Variants in ATXN1 observed in about 807,000 individuals in gnomAD.
ATXN1 encodes the protein ataxin-1.
ATXN1 carries 8 observed loss-of-function variants against 56.4 expected under a neutral mutation model. That is an observed-to-expected ratio of 0.14 (90% CI 0.08 to 0.26). The LOEUF (loss-of-function observed/expected upper bound fraction) is 0.26. Ranked by LOEUF, ATXN1 falls within the 10% of genes least tolerant of loss-of-function variation. ATXN1 has a pLI of 1.00. For synonymous variants in ATXN1, 514 were observed against 494.6 expected (o/e 1.04, Z -0.52); for missense variants, 987 against 1,106.5 (o/e 0.89, Z 1.53).
rs1215667841 is a variant in ATXN1, at chr6:16,328,047, G to A, written c.264C>T (p.Ser88=). 1.2e-6 allele frequency: 2 copies of A among 1,613,574 alleles called. No homozygotes were observed. Among genetic ancestry groups the A allele is most frequent in the Non-Finnish European group, 1.7e-6 (2 of 1,179,726 alleles). Reference sequence around the variant, plus strand: ...GGACAGACCTGGGAGCGCTGGGCGGGGAGTAGTCCAGCCCTGTGGACAATG... The same window carrying A: ...GGACAGACCTGGGAGCGCTGGGCGGAGAGTAGTCCAGCCCTGTGGACAATG... ...HKALSTGLDY[S]PPSAPRSVPV... Residue 88 remains serine, a synonymous_variant, in exon 7 of 8, where the codon TCC becomes TCT. Coordinates refer to ENST00000436367, the MANE Select transcript of ATXN1 (RefSeq NM_001128164.2). This position sits in a 1 kb window ranked among gnomAD's most constrained non-coding sequence, Gnocchi z 6.2.
At chr6:16,640,726 T>C (rs1763693472) in intron 3 of ATXN1, among the ~76,000 whole-genome samples, 1 of 151,728 alleles carries the variant, frequency 6.6e-6, no homozygotes, top group Non-Finnish European at 1.5e-5. Flanking sequence ...GGCCAATTAA[T>C]AACCCTAAAA....
intron 3 of ATXN1, among the ~76,000 whole-genome samples, chr6:16,638,923 G>T (rs1430131407): frequency 6.6e-6 from 1 of 152,122 alleles, no homozygotes; most frequent in Non-Finnish European, 1.5e-5. Context: ...ATGCAGAAGT[G>T]GTATTGAGAG....
At chr6:16,710,965 C>G (rs943989282) in intron 2 of ATXN1, among the ~76,000 whole-genome samples, 1 of 152,068 alleles carries the variant, frequency 6.6e-6, no homozygotes, top group Non-Finnish European at 1.5e-5. Flanking sequence ...TCACTGTAGC[C>G]TCAAACTCCT....
chr6:16,520,552 A>T (rs1761268467), intron 5 of ATXN1, among the ~76,000 whole-genome samples: 1 of 152,150 alleles, frequency 6.6e-6, no homozygotes. Flanking sequence ...GAATCCTATG[A>T]TGTAAGCATG....
intron 6 of ATXN1, among the ~76,000 whole-genome samples, chr6:16,376,372 TG>T (rs1267676788): frequency 6.6e-6 from 1 of 152,220 alleles, no homozygotes; most frequent in Non-Finnish European, 1.5e-5. Context: ...TTGGGGTGTG[TG>T]GGGATTGTAT....
intron 6 of ATXN1, among the ~76,000 whole-genome samples, chr6:16,353,381 G>A (rs900571214): frequency 3.3e-5 from 5 of 152,136 alleles, no homozygotes; most frequent in African/African-American, 7.2e-5. Context: ...CTCTTAACAA[G>A]CAATTACAGG....
chr6:16,575,049 T>C (rs1581855008), intron 4 of ATXN1, among the ~76,000 whole-genome samples: 1 of 152,156 alleles, frequency 6.6e-6, no homozygotes, highest in African/African-American at 2.4e-5. Flanking sequence ...ATATCAGAGA[T>C]GACACGCCCT....
At chr6:16,341,178 A>G (rs1194127064) in intron 6 of ATXN1, among the ~76,000 whole-genome samples, 2 of 152,198 alleles carry the variant, frequency 1.3e-5, no homozygotes, top group Non-Finnish European at 2.9e-5. Context: ...TTCCTCCACA[A>G]TACAAAGGAG....
In ATXN1 at chr6:16,338,954, G is replaced by C. The variant is rs1270096136; in HGVS notation, c.-160-10484C>G. ...ATTCAGCACACAAGCAGAATAAACA[G>C]AAAGCTCAGACGCTAAACTCAAGGA... On this transcript the variant is annotated intron_variant, in intron 6 of 7. Transcript: ENST00000436367. Among the ~76,000 whole-genome samples, 3 of 152,286 alleles carry C rather than the reference G, an allele frequency of 2.0e-5. No homozygotes were observed. The East Asian group carries it at 5.8e-4, about 29-fold the overall frequency.
chr6:16,539,261 T>C (rs1229449359), intron 4 of ATXN1, among the ~76,000 whole-genome samples: 3 of 152,220 alleles, frequency 2.0e-5, no homozygotes, highest in African/African-American at 7.2e-5. Context: ...TGACGCTTGC[T>C]TTCTCTCTTC....
chr6:16,554,048 G>C (rs1430133882), intron 4 of ATXN1, among the ~76,000 whole-genome samples: 1 of 152,222 alleles, frequency 6.6e-6, no homozygotes, highest in Admixed American at 6.5e-5. Context: ...ATATTTTAAA[G>C]AAGAAGATAT....
intron 6 of ATXN1, among the ~76,000 whole-genome samples, chr6:16,371,230 G>A (rs532698183): frequency 6.6e-6 from 1 of 151,952 alleles, no homozygotes; most frequent in South Asian, 2.1e-4. Context: ...CAAATATTTT[G>A]TTAATTAAAA....
chr6:16,382,348 A>T (rs758551661), intron 6 of ATXN1, among the ~76,000 whole-genome samples: 2 of 151,736 alleles, frequency 1.3e-5, no homozygotes, highest in Non-Finnish European at 2.9e-5. Context: ...TTATAGTCCC[A>T]GCAACTTGGG....
intron 7 of ATXN1, among the ~76,000 whole-genome samples, chr6:16,324,047 G>A (rs373873593): frequency 1.3e-5 from 2 of 151,998 alleles, no homozygotes; most frequent in African/African-American, 2.4e-5. Context: ...AAAAGCTCTC[G>A]GCAATGCAGG....
intron 2 of ATXN1, among the ~76,000 whole-genome samples, chr6:16,696,037 C>T (rs1397979024): frequency 3.3e-5 from 5 of 151,974 alleles, no homozygotes; most frequent in East Asian, 3.8e-4. Context: ...ATAAATATCA[C>T]GTATACCGAC....
chr6:16,683,465 C>T (rs1758855563), intron 2 of ATXN1, among the ~76,000 whole-genome samples: 1 of 152,230 alleles, frequency 6.6e-6, no homozygotes, highest in Non-Finnish European at 1.5e-5. Flanking sequence ...TGACACTGAA[C>T]TCTCCTTAAT....
At chr6:16,550,533 G>A (rs1032529553) in intron 4 of ATXN1, among the ~76,000 whole-genome samples, 1 of 152,228 alleles carries the variant, frequency 6.6e-6, no homozygotes, top group East Asian at 1.9e-4. Context: ...ATGCTCTTCT[G>A]TAGTTTTAAA....
chr6:16,603,339 T>A (rs781702897), intron 3 of ATXN1, among the ~76,000 whole-genome samples: 1 of 152,162 alleles, frequency 6.6e-6, no homozygotes, highest in Non-Finnish European at 1.5e-5. Flanking sequence ...CTGCCTCAAC[T>A]CACCCAGAGA....
At chr6:16,675,196 T>C (rs1758635374) in intron 2 of ATXN1, among the ~76,000 whole-genome samples, 2 of 152,214 alleles carry the variant, frequency 1.3e-5, no homozygotes. Context: ...CCCTGGCAAC[T>C]GAAAGTAACC....
Sources: allele counts gnomAD v4.1 joint callset (sites outside exome capture counted in the v4.1 genomes callset), GRCh38; gene constraint gnomAD v4.1.1; non-coding constraint Gnocchi (gnomAD v3.1); transcripts MANE v1.5; gene names NCBI Gene and HGNC (gene_info 2026-07-23, HGNC 2026-07-21).